The following DENND4C variants were observed in gnomAD, a reference collection of about 807,000 sequenced individuals.
The protein encoded by DENND4C is DENN domain containing 4C, also known as DENN domain-containing protein 4C.
A neutral mutation model predicts 203.0 loss-of-function variants in DENND4C; 108 were observed. That is an observed-to-expected ratio of 0.53 (90% confidence interval 0.46 to 0.62). The LOEUF (loss-of-function observed/expected upper bound fraction) is 0.62. Among genes scored for constraint, DENND4C ranks in the 20% least tolerant of loss-of-function variants. The pLI is 0.00. For missense variants in DENND4C, 2,481 were observed against 2,301.2 expected, an observed-to-expected ratio of 1.08 and a Z score of -1.60; for synonymous variants, 871 against 792.4, an observed-to-expected ratio of 1.10 and a Z score of -1.67.
chr9:19,314,327 G>A (rs923449508), intron 10 of DENND4C, among the ~76,000 whole-genome samples: 11 of 151,696 alleles, frequency 7.3e-5, no homozygotes, highest in Admixed American at 3.3e-4. Context: ...GGTGCCACAC[G>A]CCTGTAGTCC....
intron 1 of DENND4C, among the ~76,000 whole-genome samples, chr9:19,247,994 C>G (rs1393114755): frequency 2.0e-5 from 3 of 152,286 alleles, no homozygotes; most frequent in South Asian, 2.1e-4. Context: ...TTTATTATCT[C>G]TTTTCTGGGT....
intron 1 of DENND4C, among the ~76,000 whole-genome samples, chr9:19,267,967 A>G (rs938707985): frequency 6.6e-6 from 1 of 151,642 alleles, no homozygotes; most frequent in African/African-American, 2.4e-5. Context: ...TTCTACTACC[A>G]TTTTGTTATT....
chr9:19,344,386 A>C (rs1016616150), intron 22 of DENND4C, among the ~76,000 whole-genome samples: 1 of 152,206 alleles, frequency 6.6e-6, no homozygotes, highest in Non-Finnish European at 1.5e-5. Flanking sequence ...AATCCCAGCA[A>C]TTTGGCAGGC....
intron 1 of DENND4C, among the ~76,000 whole-genome samples, chr9:19,239,667 A>G (rs1823194519): frequency 6.6e-6 from 1 of 152,124 alleles, no homozygotes; most frequent in Non-Finnish European, 1.5e-5. Flanking sequence ...TTGTGTTTTT[A>G]GTAGAGATGG....
In DENND4C at chr9:19,363,838, C is replaced by CTT. The variant is rs768370447; in HGVS notation, c.5524+1876_5524+1877insTT. Among the ~76,000 whole-genome samples the CTT allele has an allele frequency of 5.9e-5, 9 of 152,086 alleles. No homozygotes were observed. The South Asian group carries it at 1.9e-3, about 32-fold the overall frequency. On this transcript the variant is annotated intron_variant, in intron 30 of 32. Transcript: ENST00000434457. ...CCAGCCTAGCCAATATGGTGAAACT[C>CTT]TGTCTCTACTAAAAATATAAAAAAA...
chr9:19,301,110 G>A (rs1234719275), intron 9 of DENND4C, among the ~76,000 whole-genome samples: 1 of 151,850 alleles, frequency 6.6e-6, no homozygotes, highest in East Asian at 1.9e-4. Context: ...CCCAGGAGGC[G>A]GAGGTTATGG....
chr9:19,319,856 AC>A (rs1842588895), intron 12 of DENND4C, among the ~76,000 whole-genome samples: 1 of 152,202 alleles, frequency 6.6e-6, no homozygotes, highest in African/African-American at 2.4e-5. Flanking sequence ...TGAAGAAATA[AC>A]AAGGAATATT....
chr9:19,242,476 A>G (rs1010704850), intron 1 of DENND4C, among the ~76,000 whole-genome samples: 6 of 152,206 alleles, frequency 3.9e-5, no homozygotes, highest in Non-Finnish European at 8.8e-5. Context: ...GTAGGCCTGT[A>G]TTTAGCTTTG....
intron 10 of DENND4C, among the ~76,000 whole-genome samples, chr9:19,310,786 A>T (rs539517392): frequency 7.9e-5 from 12 of 152,134 alleles, no homozygotes; most frequent in African/African-American, 2.9e-4. Context: ...TACCTGTCTG[A>T]TGTGAAAGGA....
intron 1 of DENND4C, among the ~76,000 whole-genome samples, chr9:19,234,263 C>T (rs1187605343): frequency 2.6e-5 from 4 of 151,930 alleles, no homozygotes; most frequent in Non-Finnish European, 4.4e-5. Context: ...CCGAGTCTCG[C>T]TCTGTTGCCC....
intron 26 of DENND4C, among the ~76,000 whole-genome samples, chr9:19,354,467 T>C (rs773665009): frequency 5.9e-5 from 9 of 152,100 alleles, no homozygotes; most frequent in Non-Finnish European, 1.0e-4. Flanking sequence ...TTTGGTATTA[T>C]CACTTTTTAA....
intron 1 of DENND4C, among the ~76,000 whole-genome samples, chr9:19,236,912 GATGAGTTACT>G (rs1050604405): frequency 2.0e-5 from 3 of 152,228 alleles, no homozygotes; most frequent in African/African-American, 7.2e-5. Context: ...TAGTTAGGGA[GATGAGTTACT>G]ATCTATTCCA....
intron 2 of DENND4C, among the ~76,000 whole-genome samples, chr9:19,279,415 C>T (rs1156259610): frequency 6.6e-6 from 1 of 151,780 alleles, no homozygotes; most frequent in Non-Finnish European, 1.5e-5. Context: ...TGGTTCACGC[C>T]TGTAATCCCA....
At chr9:19,351,127 T>C (rs189515176) in intron 24 of DENND4C, among the ~76,000 whole-genome samples, 53 of 152,202 alleles carry the variant, frequency 3.5e-4, no homozygotes, top group African/African-American at 1.3e-3. Context: ...TTTGTTGAAA[T>C]GATTGAGAGA....
intron 16 of DENND4C, among the ~76,000 whole-genome samples, chr9:19,331,288 C>CCA (rs1563810967): frequency 6.6e-6 from 1 of 151,504 alleles, no homozygotes; most frequent in Admixed American, 6.6e-5. Context: ...CTGCAACTTC[C>CCA]CACTCCCTGG....
chr9:19,344,672 T>C (rs1822409083), intron 22 of DENND4C, among the ~76,000 whole-genome samples: 1 of 152,140 alleles, frequency 6.6e-6, no homozygotes, highest in East Asian at 1.9e-4. Flanking sequence ...TGGCTAATTT[T>C]TGTATTTTTT....
intron 1 of DENND4C, among the ~76,000 whole-genome samples, chr9:19,240,697 T>C (rs1588715190): frequency 6.7e-6 from 1 of 148,226 alleles, no homozygotes; most frequent in Non-Finnish European, 1.5e-5. Flanking sequence ...CCAGGCATGG[T>C]TGCTCACACC....
chr9:19,256,010 G>C (rs1827828218), intron 1 of DENND4C, among the ~76,000 whole-genome samples: 1 of 151,970 alleles, frequency 6.6e-6, no homozygotes, highest in Non-Finnish European at 1.5e-5. Flanking sequence ...GGCCAGGGTG[G>C]GAGGATTGCT....
Position 19,316,431 on chromosome 9 carries a change from A to G in DENND4C, c.1502A>G (p.Lys501Arg). Reference protein sequence around the residue: ...TNMLYVSDEKKNMNWKQLPKK... With the variant: ...TNMLYVSDEKRNMNWKQLPKK... Reference sequence around the variant, plus strand: ...TGATTTAATAGATCAGATGAAAAGAAGAACATGAACTGGAAGCAACTTCCC... The same window carrying G: ...TGATTTAATAGATCAGATGAAAAGAGGAACATGAACTGGAAGCAACTTCCC... The change falls in exon 11 of 33, where the codon AAG (lysine) becomes AGG (arginine). Residue 501 changes from lysine (K) to arginine (R), a missense_variant. Transcript: ENST00000434457. The G allele has an allele frequency of 6.2e-7, 1 of 1,613,246 alleles. No individual in the cohort carries two copies. Among genetic ancestry groups the G allele is most frequent in the South Asian group, 1.1e-5 (1 of 90,732 alleles).
Sources: gnomAD v4.1 joint callset for allele counts (sites outside exome capture counted in the v4.1 genomes callset) on GRCh38, gnomAD v4.1.1 for gene constraint, MANE v1.5 for transcripts, NCBI Gene and HGNC (gene_info 2026-07-23, HGNC 2026-07-21) for gene names.